Variants in FRMPD4 observed in about 807,000 individuals in gnomAD.
FRMPD4 encodes FERM and PDZ domain-containing protein 4.
A neutral mutation model predicts 94.1 loss-of-function variants in FRMPD4; 22 were observed. The observed-to-expected ratio is 0.23, with a 90% CI of 0.17 to 0.33. FRMPD4 has a LOEUF of 0.33. Ranked by LOEUF, FRMPD4 falls within the 10% of genes least tolerant of loss-of-function variation. The probability of loss-of-function intolerance (pLI) is 1.00; values close to 1 mark genes in which losing one functional copy is unlikely to be tolerated. For synonymous variants in FRMPD4, 631 were observed against 548.6 expected (o/e 1.15, Z -2.10); for missense variants, 1,111 against 1,339.9 (o/e 0.83, Z 2.67).
At chrX:12,137,520 C>G (rs1277761490), upstream of FRMPD4, among the ~76,000 whole-genome samples, 2 of 111,858 alleles carry the variant, frequency 1.8e-5, no homozygotes, top group African/African-American at 6.5e-5. Flanking sequence ...TGAACGCTGC[C>G]GGTGGGAGAG....
chrX:11,862,971 T>G (rs2053696438), intron 1 of FRMPD4, among the ~76,000 whole-genome samples: 1 of 99,252 alleles, frequency 1.0e-5, no homozygotes, highest in Middle Eastern at 5.1e-3. Flanking sequence ...TTTTTTTTTT[T>G]TTTTTTTTTT....
intron 3 of FRMPD4, among the ~76,000 whole-genome samples, chrX:12,055,563 C>T (rs857530): frequency 0.046 from 5,193 of 111,902 alleles, 140 homozygotes; most frequent in Non-Finnish European, 0.073. Context: ...CTTGTACAAC[C>T]TGCAGAACCA....
intron 3 of FRMPD4, among the ~76,000 whole-genome samples, chrX:12,055,397 G>A (rs182142143): frequency 1.3e-3 from 149 of 111,120 alleles, no homozygotes; most frequent in African/African-American, 4.7e-3. Context: ...GAATTCTCAC[G>A]AGATCCAGTT....
intron 1 of FRMPD4, among the ~76,000 whole-genome samples, chrX:12,251,063 A>G (rs2054032556): frequency 8.9e-6 from 1 of 112,182 alleles, no homozygotes; most frequent in South Asian, 3.7e-4. Flanking sequence ...GGAATGTAAA[A>G]ATGTGGTAAA....
chrX:12,007,684 G>C (rs954638967), intron 3 of FRMPD4, among the ~76,000 whole-genome samples: 1 of 111,891 alleles, frequency 8.9e-6, no homozygotes, highest in African/African-American at 3.3e-5. Flanking sequence ...GATTAGCTAG[G>C]TAACATGTTT....
rs1405786455 is a variant in FRMPD4, at chrX:12,721,164, A to G, written c.4595A>G (p.Tyr1532Cys). 9.3e-6 allele frequency: 7 copies of G among 753,222 alleles called. No homozygotes were observed. The highest frequency in any genetic ancestry group is 9.4e-6 in the Non-Finnish European group (6 of 638,541). The allele number at this position is 753,222 out of a possible 1,213,427, so 62.1% of individuals were successfully genotyped here. A position where few individuals can be genotyped will look rare whatever the true frequency, so the allele number is the denominator to read the frequency against. Reference protein sequence around the residue: ...GEATVQVSCLYRPQMTQAMPE... With the variant: ...GEATVQVSCLCRPQMTQAMPE... ...GCCACCGTCCAGGTCTCTTGCCTCT[A>G]TAGACCACAGATGACTCAAGCCATG... Residue 1532 changes from tyrosine to cysteine, a missense_variant, in exon 17 of 17, where the codon TAT becomes TGT. Physicochemically the swap from Tyr to Cys is radical, Grantham distance 194. Coordinates refer to ENST00000675598, the MANE Select transcript of FRMPD4 (RefSeq NM_001368397.1).
chrX:12,298,984 C>A (rs2054815843), intron 1 of FRMPD4, among the ~76,000 whole-genome samples: 1 of 111,575 alleles, frequency 9.0e-6, no homozygotes, highest in Admixed American at 9.6e-5. Context: ...CTTCCAGGAC[C>A]ATGAGAAAAC....
intron 1 of FRMPD4, among the ~76,000 whole-genome samples, chrX:12,480,785 T>TAGCAACTCTG (rs1156887482): frequency 1.8e-5 from 2 of 112,575 alleles, no homozygotes; most frequent in South Asian, 3.7e-4. Context: ...TGCTCAGAGA[T>TAGCAACTCTG]AGGTAGAAAT....
chrX:12,491,765 C>G (rs1303987277), intron 1 of FRMPD4, among the ~76,000 whole-genome samples: 1 of 112,130 alleles, frequency 8.9e-6, no homozygotes, highest in South Asian at 3.8e-4. Flanking sequence ...GTGCCTGGCA[C>G]TAGTCTGAGT....
At chrX:11,845,273 T>G (rs777849487) in intron 1 of FRMPD4, among the ~76,000 whole-genome samples, 63 of 111,663 alleles carry the variant, frequency 5.6e-4, no homozygotes, top group Non-Finnish European at 3.6e-4. Context: ...CAGAAAGAAA[T>G]AAACATGTGA....
intron 1 of FRMPD4, among the ~76,000 whole-genome samples, chrX:12,439,397 A>G (rs1230787734): frequency 9.0e-6 from 1 of 111,561 alleles, no homozygotes; most frequent in Non-Finnish European, 1.9e-5. Flanking sequence ...GTCAAATCTC[A>G]GGCTTTTCAT....
intron 1 of FRMPD4, among the ~76,000 whole-genome samples, chrX:12,243,790 CTTTTTTTTTTTTTTTTTTT>C (rs148889684): frequency 4.4e-5 from 1 of 22,914 alleles, no homozygotes; most frequent in Non-Finnish European, 6.9e-5. Flanking sequence ...ATCTAAAGGG[CTTTTTTTTTTTTTTTTTTT>C]TTTTTTTTTT....
intron 2 of FRMPD4, among the ~76,000 whole-genome samples, chrX:12,600,492 T>C (rs1190855544): frequency 8.9e-6 from 1 of 112,437 alleles, no homozygotes; most frequent in Non-Finnish European, 1.9e-5. Context: ...ACTGTTGTTA[T>C]GTCTAAACAT....
At chrX:11,846,428 T>A (rs2053577439) in intron 1 of FRMPD4, among the ~76,000 whole-genome samples, 1 of 110,942 alleles carries the variant, frequency 9.0e-6, no homozygotes, top group Non-Finnish European at 1.9e-5. Flanking sequence ...GTAGGAAGAA[T>A]CAATATCGTG....
At chrX:12,043,847 C>A (rs1290348012) in intron 3 of FRMPD4, among the ~76,000 whole-genome samples, 3 of 111,327 alleles carry the variant, frequency 2.7e-5, no homozygotes, top group East Asian at 5.6e-4. Flanking sequence ...ATGTTATTCT[C>A]TAGCATTTTG....
chrX:12,065,054 C>T (rs953230850), intron 3 of FRMPD4, among the ~76,000 whole-genome samples: 8 of 111,818 alleles, frequency 7.2e-5, no homozygotes, highest in African/African-American at 2.6e-4. Context: ...AGTAATTAAG[C>T]TTGTGTAGTT....
At position 12,477,401 on chromosome X, in the gene FRMPD4, A is replaced by C. The variant is rs141788597; in HGVS notation, c.42-21279A>C. 4.4e-3 allele frequency among the ~76,000 whole-genome samples: 495 copies of C among 112,210 alleles called. 4 individuals carry two copies. Among genetic ancestry groups the C allele is most frequent in the African/African-American group, 0.015 (468 of 30,878 alleles). On this transcript the variant is annotated intron_variant, in intron 1 of 16. Coordinates refer to ENST00000675598, the MANE Select transcript of FRMPD4 (RefSeq NM_001368397.1). ...GCACACCAACATGGCACACGTATAC[A>C]TATGTAACAAACCTGCACGTTGTGC...
At chrX:12,458,709 G>C (rs1234486806) in intron 1 of FRMPD4, among the ~76,000 whole-genome samples, 1 of 111,578 alleles carries the variant, frequency 9.0e-6, no homozygotes, top group Non-Finnish European at 1.9e-5. Context: ...GTCAGGGCCA[G>C]CTCAGCTTCA....
At chrX:11,897,367 C>A (rs1009319674) in intron 3 of FRMPD4, among the ~76,000 whole-genome samples, 1 of 110,591 alleles carries the variant, frequency 9.0e-6, no homozygotes, top group African/African-American at 3.3e-5. Context: ...ATTTCTTAGA[C>A]ATAATACTGA....
Sources: gnomAD v4.1 joint callset for allele counts (sites outside exome capture counted in the v4.1 genomes callset) on GRCh38, gnomAD v4.1.1 for gene constraint, MANE v1.5 for transcripts, NCBI Gene and HGNC (gene_info 2026-07-23, HGNC 2026-07-21) for gene names.